Variants in GNA11 observed in about 807,000 individuals in gnomAD.
GNA11 encodes G protein subunit alpha 11.
A neutral mutation model predicts 38.2 loss-of-function variants in GNA11; 8 were observed. The ratio of observed to expected loss-of-function variants is 0.21; its 90% CI spans 0.12 to 0.38. GNA11 has a LOEUF of 0.38. GNA11 is among the 10% of genes least tolerant of loss of function. GNA11 has a pLI of 1.00. For synonymous variants in GNA11, 211 were observed against 221.4 expected, an observed-to-expected ratio of 0.95 and a Z score of 0.42; for missense variants, 268 against 516.3, an observed-to-expected ratio of 0.52 and a Z score of 4.66.
rs113051552 is a variant in GNA11, at chr19:3,122,083, G to T, written c.*904G>T. On this transcript the variant is annotated 3_prime_UTR_variant, in exon 7 of 7. Transcript: ENST00000078429. This position sits in a 1 kb window ranked among gnomAD's most constrained non-coding sequence, Gnocchi z 7.7. Reference sequence around the variant, plus strand: ...CCTGGCTAGAGCGCACCCCACCGGAGCCCACGTGGGCTGGGCGGCTGGAGG... The same window carrying T: ...CCTGGCTAGAGCGCACCCCACCGGATCCCACGTGGGCTGGGCGGCTGGAGG... 8.6e-6 allele frequency: 2 copies of T among 233,166 alleles called. No homozygotes were observed. Among genetic ancestry groups the T allele is most frequent in the Non-Finnish European group, 1.7e-5 (2 of 117,808 alleles). 14.4% of individuals were successfully genotyped at this position (233,166 alleles called of 1,614,324 possible). A position where few individuals can be genotyped will look rare whatever the true frequency, so the allele number is the denominator to read the frequency against.
intron 1 of GNA11, among the ~76,000 whole-genome samples, chr19:3,102,917 TC>T (rs1913540554): frequency 2.0e-5 from 3 of 152,184 alleles, no homozygotes; most frequent in Non-Finnish European, 4.4e-5. Flanking sequence ...CCACCCGCCT[TC>T]TCATGGGTGC....
intron 1 of GNA11, among the ~76,000 whole-genome samples, chr19:3,099,644 C>T (rs1913454546): frequency 6.6e-6 from 1 of 152,206 alleles, no homozygotes; most frequent in African/African-American, 2.4e-5. Context: ...CTGGCCACAT[C>T]CCTCCCCTGC....
chr19:3,096,729 T>A (rs752127924), intron 1 of GNA11, among the ~76,000 whole-genome samples: 1 of 147,838 alleles, frequency 6.8e-6, no homozygotes, highest in Non-Finnish European at 1.5e-5. Flanking sequence ...TCTGTGAGCC[T>A]GAAAGTTGAC....
At position 3,110,292 on chromosome 19, in the gene GNA11, A is replaced by T; in HGVS notation, c.280A>T (p.Met94Leu). ...FTAMQAMIRAMETLKILYKYE... is the reference protein window; with the variant it reads ...FTAMQAMIRALETLKILYKYE... ...CGCCATGCAGGCCATGATCCGGGCC[A>T]TGGAGACGCTCAAGATCCTCTACAA... Residue 94 changes from methionine (M) to leucine (L), a missense_variant, in exon 2 of 7, where the codon ATG becomes TTG. By Grantham distance (15) the Met-to-Leu change is conservative (BLOSUM62 2). Coordinates refer to ENST00000078429, the MANE Select transcript of GNA11 (RefSeq NM_002067.5). This position sits in a 1 kb window ranked among gnomAD's most constrained non-coding sequence, Gnocchi z 5.4. 6.2e-7 allele frequency: 1 copy of T among 1,614,006 alleles called. No individual in the cohort carries two copies. Among genetic ancestry groups the T allele is most frequent in the Non-Finnish European group, 8.5e-7 (1 of 1,179,924 alleles).
intron 4 of GNA11, 21 bp downstream of exon 4, chr19:3,115,093 G>C (rs1261690000): frequency 6.2e-7 from 1 of 1,603,510 alleles, no homozygotes; most frequent in Non-Finnish European, 8.5e-7. Context: ...GGCCACAGCA[G>C]GCGGGGAGGG....
At chr19:3,107,895 C>T (rs1351741098) in intron 1 of GNA11, among the ~76,000 whole-genome samples, 3 of 152,104 alleles carry the variant, frequency 2.0e-5, no homozygotes, top group East Asian at 1.9e-4. Flanking sequence ...GTGTGGGGGT[C>T]CCTCTGGGGA....
At position 3,110,074 on chromosome 19, in the gene GNA11, G is replaced by T. The variant is rs928807739; in HGVS notation, c.137-75G>T. 2 of 1,241,276 alleles carry T rather than the reference G, an allele frequency of 1.6e-6. No homozygotes were observed. Among genetic ancestry groups the T allele is most frequent in the South Asian group, 1.4e-5 (1 of 72,822 alleles). The allele number at this position is 1,241,276 out of a possible 1,614,324, so 76.9% of individuals were successfully genotyped here. A position where few individuals can be genotyped will look rare whatever the true frequency, so the allele number is the denominator to read the frequency against. On this transcript the variant is annotated intron_variant, in intron 1 of 6. Transcript: ENST00000078429. This position sits in a 1 kb window ranked among gnomAD's most constrained non-coding sequence, Gnocchi z 5.4. ...GTGCTGGGTGCTGCAGCACGGCAGGGTCTGGGTAAGAGGGGGCAGCAGCAC... is the reference window on the plus strand; with the variant it reads ...GTGCTGGGTGCTGCAGCACGGCAGGTTCTGGGTAAGAGGGGGCAGCAGCAC...
rs2145328921 is a variant in GNA11, at chr19:3,121,052, C to T, written c.953C>T (p.Pro318Leu). ...CTGAAGATGTTCGTGGACCTGAACC[C>T]CGACAGCGACAAGATCATCTACTCA... is the stretch of plus-strand genomic sequence containing the variant. Reference protein sequence around the residue: ...FILKMFVDLNPDSDKIIYSHF... With the variant: ...FILKMFVDLNLDSDKIIYSHF... The change falls in exon 7 of 7, where the codon CCC becomes CTC. Residue 318 changes from proline (P) to leucine (L), a missense_variant. Around this residue, in one of 3 missense-constraint regions of GNA11, gnomAD observed 92 missense variants for 166.7 expected, o/e 0.55. Coordinates refer to ENST00000078429, the MANE Select transcript of GNA11 (RefSeq NM_002067.5). The T allele has an allele frequency of 6.2e-7, 1 of 1,613,778 alleles. No homozygotes were observed. Among genetic ancestry groups the T allele is most frequent in the Non-Finnish European group, 8.5e-7 (1 of 1,179,808 alleles).
rs1219257938 is a variant in GNA11 at position 3,113,242 on chromosome 19, C to T, written c.322-88C>T. On this transcript the variant is annotated intron_variant, in intron 2 of 6. Coordinates refer to ENST00000078429, the MANE Select transcript of GNA11 (RefSeq NM_002067.5). ...CCTGCGGAATGCCGCCCGGGCCAGC[C>T]GAGGCCTGGAAGAGGGGCCGTCACA... The T allele has an allele frequency of 2.2e-5, 29 of 1,311,462 alleles. No individual in the cohort carries two copies. In the South Asian group the frequency reaches 2.3e-4, roughly 10 times the overall value. The allele number at this position is 1,311,462 out of a possible 1,614,324, so 81.2% of individuals were successfully genotyped here.
intron 1 of GNA11, among the ~76,000 whole-genome samples, chr19:3,103,490 G>A (rs1015324608): frequency 1.4e-5 from 2 of 143,712 alleles, no homozygotes; most frequent in African/African-American, 5.1e-5. Context: ...TGGGATTACA[G>A]GCGTGAGCCA....
intron 3 of GNA11, among the ~76,000 whole-genome samples, chr19:3,113,991 C>T (rs1403140243): frequency 1.3e-5 from 2 of 152,152 alleles, no homozygotes; most frequent in African/African-American, 4.8e-5. Flanking sequence ...GACAGGTGGC[C>T]GGGCCATGGC....
Position 3,110,156 on chromosome 19 carries a change from C to T in GNA11, c.144C>T (p.Gly48=), listed in dbSNP as rs147570504. Residue 48 remains glycine (G), a synonymous_variant, in exon 2 of 7, where the codon GGC becomes GGT. Transcript: ENST00000078429. This position sits in a 1 kb window ranked among gnomAD's most constrained non-coding sequence, Gnocchi z 5.4. ...ACGTGCCCCGTCCCCCAGGCACGGGCGAGAGCGGGAAGAGCACGTTCATCA... is the reference window on the plus strand; with the variant it reads ...ACGTGCCCCGTCCCCCAGGCACGGGTGAGAGCGGGAAGAGCACGTTCATCA... The part of the protein sequence containing the change: ...RELKLLLLGT[G]ESGKSTFIKQ... 5.6e-6 allele frequency: 9 copies of T among 1,606,766 alleles called. No homozygotes were observed. The South Asian group carries it at 6.7e-5, about 12-fold the overall frequency.
intron 1 of GNA11, among the ~76,000 whole-genome samples, chr19:3,109,182 C>A (rs1270647663): frequency 6.6e-6 from 1 of 152,182 alleles, no homozygotes; most frequent in Non-Finnish European, 1.5e-5. Flanking sequence ...CATTGGCATC[C>A]CAGCGTGTGA....
rs541585632 is a variant in GNA11 at position 3,121,753 on chromosome 19, C to T, written c.*574C>T. On this transcript the variant is annotated 3_prime_UTR_variant, in exon 7 of 7. Coordinates refer to ENST00000078429, the MANE Select transcript of GNA11 (RefSeq NM_002067.5). The stretch of plus-strand genomic sequence containing the variant: ...GCCCAGCGCGCCTCGCCTCTTCACC[C>T]ATCAACGCTGTGCTTTGCCCACTGG... 1.3e-5 allele frequency: 3 copies of T among 233,146 alleles called. No individual in the cohort carries two copies. The South Asian group carries it at 5.4e-4, about 42-fold the overall frequency. The allele number at this position is 233,146 out of a possible 1,614,324, so 14.4% of individuals were successfully genotyped here.
intron 1 of GNA11, among the ~76,000 whole-genome samples, chr19:3,103,982 G>A (rs1342412036): frequency 6.6e-6 from 1 of 152,186 alleles, no homozygotes; most frequent in Non-Finnish European, 1.5e-5. Flanking sequence ...ACCATGCCTG[G>A]CCATTTTTGT....
chr19:3,116,931 G>A (rs1913939642), intron 4 of GNA11, among the ~76,000 whole-genome samples: 1 of 152,068 alleles, frequency 6.6e-6, no homozygotes, highest in African/African-American at 2.4e-5. Flanking sequence ...CCTGCCATCT[G>A]CCTGTTCTCC....
chr19:3,113,188 C>T (rs368317151), intron 2 of GNA11, 142 bp from the exon 3 acceptor site: 23 of 731,400 alleles, frequency 3.1e-5, no homozygotes, highest in African/African-American at 2.8e-4. Flanking sequence ...CGTGTTCACA[C>T]GGAACTGTCA....
chr19:3,103,953 G>A (rs564515196), intron 1 of GNA11, among the ~76,000 whole-genome samples: 4 of 152,244 alleles, frequency 2.6e-5, no homozygotes, highest in South Asian at 4.1e-4. Flanking sequence ...CCAAAGTGCC[G>A]GGATTACAGG....
intron 1 of GNA11, among the ~76,000 whole-genome samples, chr19:3,103,768 A>T (rs948667676): frequency 5.3e-5 from 8 of 150,382 alleles, no homozygotes; most frequent in Non-Finnish European, 8.9e-5. Flanking sequence ...CAGTGGCACG[A>T]TCTCAGCTCA....
Sources: gnomAD v4.1 joint callset for allele counts (sites outside exome capture counted in the v4.1 genomes callset) on GRCh38, gnomAD v4.1.1 for gene constraint, gnomAD v4.1.1 regional missense constraint, Gnocchi (gnomAD v3.1) non-coding constraint, MANE v1.5 for transcripts, NCBI Gene and HGNC (gene_info 2026-07-23, HGNC 2026-07-21) for gene names.